DCAF5: variants seen among roughly 807,000 people sequenced by gnomAD.
DCAF5 encodes DDB1 and CUL4 associated factor 5, also known as DDB1- and CUL4-associated factor 5.
DCAF5 carries 9 observed loss-of-function variants against 80.7 expected under a neutral mutation model. The ratio of observed to expected loss-of-function variants is 0.11; its 90% confidence interval spans 0.07 to 0.19. DCAF5 has a LOEUF of 0.19. Ranked by LOEUF, DCAF5 falls within the 10% of genes least tolerant of loss-of-function variation. The pLI is 1.00. For missense variants in DCAF5, 842 were observed against 1,205.7 expected (o/e 0.70, Z 4.47); for synonymous variants, 433 against 461.9 (o/e 0.94, Z 0.80).
At chr14:69,112,594 T>TATATAC (rs2040409275) in intron 5 of DCAF5, among the ~76,000 whole-genome samples, 2 of 145,136 alleles carry the variant, frequency 1.4e-5, no homozygotes, top group African/African-American at 5.2e-5. Flanking sequence ...TATATATGTA[T>TATATAC]ACACACACAC....
intron 1 of DCAF5, among the ~76,000 whole-genome samples, chr14:69,141,251 G>A (rs2041365275): frequency 6.6e-6 from 1 of 151,566 alleles, no homozygotes; most frequent in Admixed American, 6.6e-5. Context: ...AATGTGAGGA[G>A]CTAAGAGACT....
At chr14:69,138,539 T>C (rs1045401454) in intron 1 of DCAF5, among the ~76,000 whole-genome samples, 17 of 152,296 alleles carry the variant, frequency 1.1e-4, no homozygotes, top group Middle Eastern at 3.4e-3. Flanking sequence ...CTTAGGAGTT[T>C]AACACTTTAC....
At chr14:69,135,423 T>C (rs2041161099) in intron 1 of DCAF5, among the ~76,000 whole-genome samples, 1 of 152,174 alleles carries the variant, frequency 6.6e-6, no homozygotes, top group African/African-American at 2.4e-5. Flanking sequence ...TATGACAAAA[T>C]AGAAAGTACA....
rs750299918 is a variant in DCAF5, at chr14:69,055,021, G to A, written c.1665C>T (p.Pro555=). ...TGCTGGAACTGCTGGATTCATCTTC[G>A]GGGCTGGGTGACCGTGGCCGGGGAA... The part of the protein sequence containing the change: ...DLFPRPRSPS[P]EDESSSSSSS... The change falls in exon 9 of 9, where the codon CCC becomes CCT. Residue 555 remains proline (P), a synonymous_variant. Coordinates refer to ENST00000341516, the MANE Select transcript of DCAF5 (RefSeq NM_003861.3). This position sits in a 1 kb window ranked among gnomAD's most constrained non-coding sequence, Gnocchi z 5.6. 1.5e-5 allele frequency: 25 copies of A among 1,614,100 alleles called. No individual in the cohort carries two copies. The highest frequency in any genetic ancestry group is 4.4e-5 in the South Asian group (4 of 91,088).
intron 6 of DCAF5, chr14:69,089,087 C>G (rs1434707712): frequency 6.6e-6 from 1 of 152,604 alleles, no homozygotes; most frequent in African/African-American, 2.4e-5. Flanking sequence ...ATTCATCCAT[C>G]CTTCCAGGCC....
At chr14:69,132,640 T>G (rs1436125738) in intron 1 of DCAF5, among the ~76,000 whole-genome samples, 1 of 152,164 alleles carries the variant, frequency 6.6e-6, no homozygotes, top group African/African-American at 2.4e-5. Context: ...ACAAAAACAT[T>G]AAGAGCACTA....
At chr14:69,130,313 T>C (rs28432699) in intron 1 of DCAF5, among the ~76,000 whole-genome samples, 1 of 152,194 alleles carries the variant, frequency 6.6e-6, no homozygotes, top group Non-Finnish European at 1.5e-5. Flanking sequence ...GTTAAAATTA[T>C]TGTTTAATAA....
chr14:69,078,750 G>A (rs2038989565), intron 6 of DCAF5, among the ~76,000 whole-genome samples: 1 of 152,228 alleles, frequency 6.6e-6, no homozygotes, highest in Non-Finnish European at 1.5e-5. Context: ...CTAGTGGCAG[G>A]GGAAATGGGG....
intron 1 of DCAF5, among the ~76,000 whole-genome samples, chr14:69,127,362 C>T (rs1467968738): frequency 6.6e-6 from 1 of 152,128 alleles, no homozygotes; most frequent in Non-Finnish European, 1.5e-5. Flanking sequence ...CTTAAGTACA[C>T]ATTACCAAAT....
At position 69,153,047 on chromosome 14, in the gene DCAF5, C is replaced by T; in HGVS notation, c.-69G>A. The T allele has an allele frequency of 8.3e-7, 1 of 1,201,178 alleles. No individual in the cohort carries two copies. Among genetic ancestry groups the T allele is most frequent in the Non-Finnish European group, 1.1e-6 (1 of 911,584 alleles). 74.4% of individuals were successfully genotyped at this position (1,201,178 alleles called of 1,614,324 possible). A position where few individuals can be genotyped will look rare whatever the true frequency, so the allele number is the denominator to read the frequency against. On this transcript the variant is annotated 5_prime_UTR_variant, in exon 1 of 9. Coordinates refer to ENST00000341516, the MANE Select transcript of DCAF5 (RefSeq NM_003861.3). The stretch of plus-strand genomic sequence containing the variant: ...CGGCCTCACGCGCGGCCGCTGCTCC[C>T]CCCACCCGGCCCTCCCCCCGCGCTG...
intron 8 of DCAF5, 106 bp downstream of exon 8, chr14:69,062,278 A>G (rs1388874032): frequency 8.5e-7 from 1 of 1,179,102 alleles, no homozygotes; most frequent in Non-Finnish European, 1.2e-6. Flanking sequence ...ATTCTGATAG[A>G]CCTTTAGTAT....
intron 5 of DCAF5, among the ~76,000 whole-genome samples, chr14:69,095,081 C>CT (rs1432777951): frequency 6.6e-6 from 1 of 152,200 alleles, no homozygotes; most frequent in Non-Finnish European, 1.5e-5. Context: ...TCCAATTCCT[C>CT]TTCAGATCAG....
intron 7 of DCAF5, among the ~76,000 whole-genome samples, chr14:69,067,337 CTTTTTTTTTTTT>C (rs58620965): frequency 6.1e-5 from 7 of 115,112 alleles, no homozygotes; most frequent in East Asian, 2.2e-4. Flanking sequence ...GATTTCGTAT[CTTTTTTTTTTTT>C]TTTTTTTTTT....
At position 69,135,458 on chromosome 14, in the gene DCAF5, G is replaced by A. The variant is rs559352361; in HGVS notation, c.215-13098C>T. On this transcript the variant is annotated intron_variant, in intron 1 of 8. Transcript: ENST00000341516. ...ACATAAAACACTTCTGCTGCACACT[G>A]AAAAACAATACCTATTTTGTGAAAA... is the stretch of plus-strand genomic sequence containing the variant. Among the ~76,000 whole-genome samples the A allele has an allele frequency of 1.4e-3, 215 of 152,288 alleles. 5 individuals carry two copies. The South Asian group carries it at 0.028, about 20-fold the overall frequency.
In DCAF5 at chr14:69,105,937, ATATATAT is replaced by A. The variant is rs1044848613; in HGVS notation, c.665+10422_665+10428del. 1.6e-4 allele frequency among the ~76,000 whole-genome samples: 16 copies of A among 97,280 alleles called. 3 individuals are homozygous for A. Among genetic ancestry groups the A allele is most frequent in the Non-Finnish European group, 3.5e-4 (15 of 43,012 alleles). The allele number at this position is 97,280 out of a possible 152,430, so 63.8% of individuals were successfully genotyped here. A position where few individuals can be genotyped will look rare whatever the true frequency, so the allele number is the denominator to read the frequency against. On this transcript the variant is annotated intron_variant, in intron 5 of 8. Coordinates refer to ENST00000341516, the MANE Select transcript of DCAF5 (RefSeq NM_003861.3). Reference sequence around the variant, plus strand: ...GTCATATATATATATATATATATATATATATATATCTCCTATTGGTTCTGTTCCTCTG... The same window carrying A: ...GTCATATATATATATATATATATATAATCTCCTATTGGTTCTGTTCCTCTG...
intron 6 of DCAF5, chr14:69,084,666 CCTT>C: frequency 2.6e-6 from 3 of 1,159,222 alleles, no homozygotes; most frequent in Non-Finnish European, 3.8e-6. Flanking sequence ...AAGCTTATGG[CCTT>C]CTTTTCATCT....
At chr14:69,079,200 C>T (rs370087953) in intron 6 of DCAF5, among the ~76,000 whole-genome samples, 8 of 152,120 alleles carry the variant, frequency 5.3e-5, no homozygotes, top group African/African-American at 1.4e-4. Context: ...CCTATTTGTT[C>T]GGCTATTCAT....
chr14:69,101,219 T>C (rs1283456868), intron 5 of DCAF5, among the ~76,000 whole-genome samples: 1 of 152,184 alleles, frequency 6.6e-6, no homozygotes, highest in African/African-American at 2.4e-5. Context: ...ATTCCACCTA[T>C]TAAAAAGAAC....
At chr14:69,102,954 T>C (rs569921926) in intron 5 of DCAF5, among the ~76,000 whole-genome samples, 1 of 152,166 alleles carries the variant, frequency 6.6e-6, no homozygotes, top group Non-Finnish European at 1.5e-5. Flanking sequence ...AGTATGTTTG[T>C]TTACACCAAC....
Sources: allele counts gnomAD v4.1 joint callset (sites outside exome capture counted in the v4.1 genomes callset), GRCh38; gene constraint gnomAD v4.1.1; non-coding constraint Gnocchi (gnomAD v3.1); transcripts MANE v1.5; gene names NCBI Gene and HGNC (gene_info 2026-07-23, HGNC 2026-07-21).